Variants in SYNE1 observed in about 807,000 individuals in gnomAD.
SYNE1 encodes the protein spectrin repeat containing nuclear envelope protein 1.
SYNE1 carries 616 observed loss-of-function variants against 1,111.0 expected under a neutral mutation model. The observed-to-expected ratio is 0.55, with a 90% CI of 0.52 to 0.59. SYNE1 has a LOEUF of 0.59. Ranked by LOEUF, SYNE1 falls within the 20% of genes least tolerant of loss-of-function variation. The probability of loss-of-function intolerance (pLI) is 0.00; values close to 1 mark genes in which losing one functional copy is unlikely to be tolerated. For synonymous variants in SYNE1, 3,855 were observed against 3,825.8 expected (o/e 1.01, Z -0.28); for missense variants, 10,006 against 10,417.0 (o/e 0.96, Z 1.72).
chr6:152,289,851 C>T (rs925055646), intron 95 of SYNE1, among the ~76,000 whole-genome samples: 1 of 151,730 alleles, frequency 6.6e-6, no homozygotes, highest in African/African-American at 2.4e-5. Flanking sequence ...TGGTCGCGAT[C>T]TCCTGACCTC....
At chr6:152,175,308 C>T (rs185386378) in intron 130 of SYNE1, among the ~76,000 whole-genome samples, 5 of 152,330 alleles carry the variant, frequency 3.3e-5, no homozygotes, top group African/African-American at 1.2e-4. Context: ...TGATAACTCT[C>T]TTATAGAAAA....
chr6:152,438,787 A>G (rs1048939887), intron 32 of SYNE1, among the ~76,000 whole-genome samples: 2 of 152,244 alleles, frequency 1.3e-5, no homozygotes, highest in Non-Finnish European at 2.9e-5. Context: ...CAACTTGAAT[A>G]AAGGTTTGTA....
At chr6:152,481,042 A>G (rs2154292162) in intron 14 of SYNE1, 1 of 311,118 alleles carries the variant, frequency 3.2e-6, no homozygotes, top group South Asian at 2.8e-5. Flanking sequence ...CACAGATAGC[A>G]TGTGCATTGG....
chr6:152,373,873 G>A (rs989498147), intron 58 of SYNE1, among the ~76,000 whole-genome samples: 2 of 152,202 alleles, frequency 1.3e-5, no homozygotes, highest in Middle Eastern at 3.2e-3. Flanking sequence ...AGTTGGTGGA[G>A]CTGGATTATG....
rs1389155090 is a variant in SYNE1, at chr6:152,628,342, G to A, written c.-11C>T. The A allele has an allele frequency of 3.4e-5, 55 of 1,613,986 alleles. No individual in the cohort carries two copies. Among genetic ancestry groups the A allele is most frequent in the Non-Finnish European group, 4.6e-5 (54 of 1,180,010 alleles). ...TCTGGAGGTTGCCATGGTCCCTCCGGAAGCACGAAGCCAACACCAAGAGAC... is the reference window on the plus strand; with the variant it reads ...TCTGGAGGTTGCCATGGTCCCTCCGAAAGCACGAAGCCAACACCAAGAGAC... On this transcript the variant is annotated 5_prime_UTR_variant, in exon 3 of 146. Coordinates refer to ENST00000367255, the MANE Select transcript of SYNE1 (RefSeq NM_182961.4).
chr6:152,284,130 C>A lies in SYNE1; in HGVS notation c.18055G>T (p.Glu6019Ter). 1 of 1,614,188 alleles carries A rather than the reference C, an allele frequency of 6.2e-7. No individual in the cohort carries two copies. The highest frequency in any genetic ancestry group is 1.1e-5 in the South Asian group (1 of 91,070). Residue 6019 changes from glutamate (E) to a stop codon, truncating the protein, a stop_gained, in exon 96 of 146, where the codon GAG becomes TAG. Coordinates refer to ENST00000367255, the MANE Select transcript of SYNE1 (RefSeq NM_182961.4). LOFTEE classifies it high-confidence loss of function. The part of the protein sequence containing the change: ...EILMLQDEIN[E>*]LQSSLAEELV... ...TCCTCTGCGAGAGAGGACTGGAGCTCATTGATTTCATCCTGGAGCATGAGA... is the reference window on the plus strand; with the variant it reads ...TCCTCTGCGAGAGAGGACTGGAGCTAATTGATTTCATCCTGGAGCATGAGA...
At chr6:152,363,454 A>G (rs901774628) in intron 63 of SYNE1, among the ~76,000 whole-genome samples, 5 of 151,020 alleles carry the variant, frequency 3.3e-5, no homozygotes, top group Non-Finnish European at 7.4e-5. Flanking sequence ...AGATCGTGCC[A>G]CTGCACTGGA....
At chr6:152,540,155 G>A in intron 3 of SYNE1, 134 bp from the exon 4 acceptor site, 1 of 872,050 alleles carries the variant, frequency 1.1e-6, no homozygotes, top group Non-Finnish European at 1.9e-6. Context: ...TTATTGTCTT[G>A]AAGGGAAAAG....
At chr6:152,519,531 G>T (rs1168518082) in intron 6 of SYNE1, among the ~76,000 whole-genome samples, 1 of 152,162 alleles carries the variant, frequency 6.6e-6, no homozygotes, top group Non-Finnish European at 1.5e-5. Context: ...ATATACATGT[G>T]TCCCTACTGG....
chr6:152,396,808 T>A lies in SYNE1; in HGVS notation c.7523A>T (p.Gln2508Leu), dbSNP rs201127061. 1.0e-4 allele frequency: 167 copies of A among 1,614,102 alleles called. No homozygotes were observed. The highest frequency in any genetic ancestry group is 1.3e-4 in the Non-Finnish European group (159 of 1,180,028). Residue 2508 changes from glutamine (Q) to leucine (L), a missense_variant, in exon 50 of 146, where the codon CAG (glutamine) becomes CTG (leucine). Physicochemically the swap from Gln to Leu is moderately radical, Grantham distance 113. Around this residue, in one of 7 missense-constraint regions of SYNE1, gnomAD observed 4,955 missense variants for 5,017.2 expected, o/e 0.99. Coordinates refer to ENST00000367255, the MANE Select transcript of SYNE1 (RefSeq NM_182961.4). The part of the protein sequence containing the change: ...AFLKQCLKDK[Q>L]ALQDCASELG... ...TTCTGAAGCACAGTCTTGAAGAGCC[T>A]GCTTATCTTTAAGGCATTGTTTCAG...
At chr6:152,575,507 T>C (rs1215416274) in intron 3 of SYNE1, among the ~76,000 whole-genome samples, 1 of 152,214 alleles carries the variant, frequency 6.6e-6, no homozygotes, top group Non-Finnish European at 1.5e-5. Context: ...CTTAAAATAG[T>C]TGTTCAACAA....
Position 152,444,464 on chromosome 6 carries a change from T to C in SYNE1, c.3784A>G (p.Ile1262Val), listed in dbSNP as rs770776441. 6.2e-7 allele frequency: 1 copy of C among 1,614,058 alleles called. No individual in the cohort carries two copies. The highest frequency in any genetic ancestry group is 1.7e-5 in the Admixed American group (1 of 60,022). ...TCAAACAGATTTTCAGTATCCAAGA[T>C]CTTCTCAGCTTGTTCCTGGACTTCT... ...SKEVQEQAEKILDTENLFEAQ... is the reference protein window; with the variant it reads ...SKEVQEQAEKVLDTENLFEAQ... The change falls in exon 30 of 146, where the codon ATC (isoleucine) becomes GTC (valine). Residue 1262 changes from isoleucine (I) to valine (V), a missense_variant. By Grantham distance (29) the Ile-to-Val change is conservative. This residue lies in a region of SYNE1 where 1,971 missense variants were observed against 2,084.1 expected (regional missense o/e 0.95). Transcript: ENST00000367255.
chr6:152,622,234 G>A (rs925936126), intron 3 of SYNE1, among the ~76,000 whole-genome samples: 1 of 152,058 alleles, frequency 6.6e-6, no homozygotes, highest in Non-Finnish European at 1.5e-5. Flanking sequence ...TTAATAAGAA[G>A]AGTCATTAAG....
intron 144 of SYNE1, among the ~76,000 whole-genome samples, chr6:152,131,446 G>A (rs2055617911): frequency 6.6e-6 from 1 of 151,808 alleles, no homozygotes; most frequent in African/African-American, 2.4e-5. Context: ...AAAATGGAAT[G>A]AATATAATCA....
chr6:152,221,746 AT>A (rs1180630186), intron 117 of SYNE1, among the ~76,000 whole-genome samples, 187 bp from the exon 118 acceptor site: 3 of 152,084 alleles, frequency 2.0e-5, no homozygotes. Context: ...GGATTTTGTT[AT>A]TTTGGCTATG....
intron 2 of SYNE1, among the ~76,000 whole-genome samples, chr6:152,636,104 C>G (rs895815742): frequency 6.6e-6 from 1 of 152,234 alleles, no homozygotes; most frequent in Admixed American, 6.5e-5. Context: ...TTCTCTTGCC[C>G]TCTAGTGCAG....
Position 152,373,052 on chromosome 6 carries a change from T to C in SYNE1, c.9492A>G (p.Lys3164=), listed in dbSNP as rs2097216026. The C allele has an allele frequency of 6.2e-7, 1 of 1,613,968 alleles. No individual in the cohort carries two copies. The highest frequency in any genetic ancestry group is 1.1e-5 in the South Asian group (1 of 91,086). ...WKNFHSNLHQ[K]ESALENLKIQ... is the part of the protein sequence containing the mutation. ...CTATATATACCTCTAGAGCAGATTC[T>C]TTTTGGTGGAGATTTGAATGAAAAT... The change falls in exon 59 of 146, where the codon AAA becomes AAG. Residue 3164 remains lysine (K), a synonymous_variant. Transcript: ENST00000367255.
chr6:152,351,695 G>A (rs1563274528), intron 70 of SYNE1, among the ~76,000 whole-genome samples: 1 of 152,172 alleles, frequency 6.6e-6, no homozygotes, highest in Non-Finnish European at 1.5e-5. Context: ...AAAGATATGG[G>A]ATCCTGATGC....
chr6:152,462,501 T>C, intron 20 of SYNE1: 1 of 595,856 alleles, frequency 1.7e-6, no homozygotes, highest in Non-Finnish European at 2.9e-6. Context: ...TTAACTTGGT[T>C]GTAGAAAAAA....
Sources: allele counts gnomAD v4.1 joint callset (sites outside exome capture counted in the v4.1 genomes callset), GRCh38; gene constraint gnomAD v4.1.1; regional missense constraint gnomAD v4.1.1; transcripts MANE v1.5; gene names NCBI Gene and HGNC (gene_info 2026-07-23, HGNC 2026-07-21).